DCAF16: variants seen among roughly 807,000 people sequenced by gnomAD.
DCAF16 encodes DDB1 and CUL4 associated factor 16.
A neutral mutation model predicts 17.3 loss-of-function variants in DCAF16; 10 were observed. That is an observed-to-expected ratio of 0.58 (90% CI 0.36 to 0.98). The LOEUF (loss-of-function observed/expected upper bound fraction) is 0.98. Ranked by LOEUF, DCAF16 falls within the 50% of genes least tolerant of loss-of-function variation. The pLI, the probability that DCAF16 is intolerant of heterozygous loss-of-function variation, is 0.01. For missense variants in DCAF16, 249 were observed against 247.6 expected (o/e 1.01, Z -0.04); for synonymous variants, 111 against 92.8 (o/e 1.20, Z -1.12).
At chr4:17,794,009 A>C in the DCAF16 span, among the ~76,000 whole-genome samples, 1 of 152,188 alleles carries the variant, frequency 6.6e-6, no homozygotes, top group African/African-American at 2.4e-5. Context: ...AAAGAAAAAA[A>C]CCCTGAATCA....
At chr4:17,809,715 A>C (rs1254256942) in intron 1 of DCAF16, 1 of 152,198 alleles carries the variant, frequency 6.6e-6, no homozygotes, top group Non-Finnish European at 1.5e-5. Flanking sequence ...TTAACAAGAA[A>C]AAAAACCCGT....
intron 1 of DCAF16, among the ~76,000 whole-genome samples, chr4:17,808,604 C>T (rs112175255): frequency 6.8e-6 from 1 of 146,870 alleles, no homozygotes; most frequent in Admixed American, 6.8e-5. Flanking sequence ...ACCATTAAAA[C>T]AAAACAAAAC....
chr4:17,797,293 AATAAC>A (rs368318067), downstream of DCAF16, among the ~76,000 whole-genome samples: 14 of 152,230 alleles, frequency 9.2e-5, no homozygotes, highest in South Asian at 2.1e-4. Context: ...ATTTCAGATA[AATAAC>A]ATAACTTTTT....
At chr4:17,809,039 T>TA (rs1466745811) in intron 1 of DCAF16, among the ~76,000 whole-genome samples, 2 of 151,720 alleles carry the variant, frequency 1.3e-5, no homozygotes, top group Non-Finnish European at 2.9e-5. Flanking sequence ...AAAATAAAAA[T>TA]AAAAAAATAT....
Position 17,802,650 on chromosome 4 carries a change from A to AG in DCAF16, c.*840_*841insC, listed in dbSNP as rs1466273444. ...TTAATTCAACTACCTCAAAAAAAAA[A>AG]AAAAAGAAAAAATAAAAGGAACCCT... is the stretch of plus-strand genomic sequence containing the variant. On this transcript the variant is annotated 3_prime_UTR_variant, in exon 3 of 3. Coordinates refer to ENST00000382247, the MANE Select transcript of DCAF16 (RefSeq NM_017741.4). 2 of 151,596 alleles carry AG rather than the reference A, an allele frequency of 1.3e-5. No individual in the cohort carries two copies. The highest frequency in any genetic ancestry group is 1.3e-4 in the Admixed American group (2 of 15,254). 9.4% of individuals were successfully genotyped at this position (151,596 alleles called of 1,614,324 possible).
rs890015674 is a variant in DCAF16, at chr4:17,804,366, C to T, written c.-225G>A. ...CTTACAAAGAAGACATCTCAGTTTC[C>T]AGGACCAGTTCAGTGTGTAAAAGTA... On this transcript the variant is annotated 5_prime_UTR_variant, in exon 3 of 3. Transcript: ENST00000382247. 2.0e-5 allele frequency: 11 copies of T among 560,314 alleles called. No homozygotes were observed. Among genetic ancestry groups the T allele is most frequent in the Admixed American group, 1.3e-4 (4 of 30,890 alleles). The allele number at this position is 560,314 out of a possible 1,614,324, so 34.7% of individuals were successfully genotyped here.
In DCAF16 at chr4:17,803,386, A is replaced by G. The variant is rs1159232693; in HGVS notation, c.*105T>C. The G allele has an allele frequency of 1.6e-5, 18 of 1,099,564 alleles. No individual in the cohort carries two copies. The Admixed American group carries it at 1.8e-4, about 11-fold the overall frequency. 68.1% of individuals were successfully genotyped at this position (1,099,564 alleles called of 1,614,324 possible). A position where few individuals can be genotyped will look rare whatever the true frequency, so the allele number is the denominator to read the frequency against. On this transcript the variant is annotated 3_prime_UTR_variant, in exon 3 of 3. Coordinates refer to ENST00000382247, the MANE Select transcript of DCAF16 (RefSeq NM_017741.4). Reference sequence around the variant, plus strand: ...GGTATCCTCATTGGCTTGCCAGGGCATAAGAGAGTTTGACTGAGAAGGCAT... The same window carrying G: ...GGTATCCTCATTGGCTTGCCAGGGCGTAAGAGAGTTTGACTGAGAAGGCAT...
the DCAF16 span, among the ~76,000 whole-genome samples, chr4:17,793,992 A>G: frequency 6.6e-6 from 1 of 152,314 alleles, no homozygotes. Context: ...ATTAACATAA[A>G]CAAAGCAAAG....
chr4:17,798,636 C>A (rs1719543609), downstream of DCAF16, among the ~76,000 whole-genome samples: 1 of 152,006 alleles, frequency 6.6e-6, no homozygotes, highest in Admixed American at 6.6e-5. Flanking sequence ...GAAAACCAGG[C>A]ATTCATTTTC....
chr4:17,802,503 C>T lies in DCAF16; in HGVS notation c.*988G>A, dbSNP rs1192552486. The T allele has an allele frequency of 6.6e-6, 1 of 151,954 alleles. No homozygotes were observed. Among genetic ancestry groups the T allele is most frequent in the Non-Finnish European group, 1.5e-5 (1 of 68,006 alleles). The allele number at this position is 151,954 out of a possible 1,614,324, so 9.4% of individuals were successfully genotyped here. ...AACTGCACTCCTCCTGCCTCCCCGCCCCCTTCCAAAAAAAAGAAAAAGTGA... is the reference window on the plus strand; with the variant it reads ...AACTGCACTCCTCCTGCCTCCCCGCTCCCTTCCAAAAAAAAGAAAAAGTGA... On this transcript the variant is annotated 3_prime_UTR_variant, in exon 3 of 3. Coordinates refer to ENST00000382247, the MANE Select transcript of DCAF16 (RefSeq NM_017741.4).
chr4:17,810,158 G>GA (rs1427460846), intron 1 of DCAF16, among the ~76,000 whole-genome samples: 2 of 152,132 alleles, frequency 1.3e-5, no homozygotes, highest in Non-Finnish European at 2.9e-5. Context: ...AGTTCTGTCT[G>GA]ATATAATTTC....
At chr4:17,793,607 T>C in the DCAF16 span, among the ~76,000 whole-genome samples, 2 of 152,110 alleles carry the variant, frequency 1.3e-5, no homozygotes, top group African/African-American at 4.8e-5. Context: ...TAAAACAATA[T>C]ATACTGTATG....
chr4:17,797,745 G>A (rs1719493272), downstream of DCAF16, among the ~76,000 whole-genome samples: 1 of 152,196 alleles, frequency 6.6e-6, no homozygotes, highest in African/African-American at 2.4e-5. Context: ...GATGGAAGAT[G>A]GCCATGCCCT....
At chr4:17,797,021 G>A (rs1439782139), downstream of DCAF16, among the ~76,000 whole-genome samples, 2 of 152,034 alleles carry the variant, frequency 1.3e-5, no homozygotes, top group Admixed American at 6.6e-5. Context: ...GGAGTGCAGT[G>A]GCATGACCAT....
chr4:17,809,776 T>A (rs1720702590), intron 1 of DCAF16: 1 of 152,166 alleles, frequency 6.6e-6, no homozygotes, highest in Admixed American at 6.5e-5. Context: ...GATTGAATAT[T>A]ATACAGCATC....
chr4:17,806,941 C>T (rs1050939649), intron 1 of DCAF16, among the ~76,000 whole-genome samples: 1 of 151,484 alleles, frequency 6.6e-6, no homozygotes, highest in African/African-American at 2.4e-5. Flanking sequence ...ATGTTTAGTA[C>T]ATATTATTGG....
Position 17,804,240 on chromosome 4 carries a change from T to C in DCAF16, c.-99A>G, listed in dbSNP as rs1276318312. The C allele has an allele frequency of 9.9e-7, 1 of 1,009,884 alleles. No individual in the cohort carries two copies. The highest frequency in any genetic ancestry group is 1.5e-6 in the Non-Finnish European group (1 of 684,208). The allele number at this position is 1,009,884 out of a possible 1,614,324, so 62.6% of individuals were successfully genotyped here. On this transcript the variant is annotated 5_prime_UTR_variant, in exon 3 of 3. Transcript: ENST00000382247. ...ATAGAAATAAGAGATGAAAAATCCTTTCACCAAGATTAATTTGTCTTTCAG... is the reference window on the plus strand; with the variant it reads ...ATAGAAATAAGAGATGAAAAATCCTCTCACCAAGATTAATTTGTCTTTCAG...
Position 17,803,012 on chromosome 4 carries a change from T to TC in DCAF16, c.*478dup, listed in dbSNP as rs1250970435. On this transcript the variant is annotated 3_prime_UTR_variant, in exon 3 of 3. Transcript: ENST00000382247. ...TATTCAACTATCTTTTGTAATATGG[T>TC]CCCCTTAACTAATTCTCCTTTTTTT... The TC allele has an allele frequency of 6.4e-6, 1 of 155,176 alleles. No homozygotes were observed. Among genetic ancestry groups the TC allele is most frequent in the Non-Finnish European group, 1.4e-5 (1 of 70,410 alleles). The allele number at this position is 155,176 out of a possible 1,614,324, so 9.6% of individuals were successfully genotyped here. A position where few individuals can be genotyped will look rare whatever the true frequency, so the allele number is the denominator to read the frequency against.
rs13116464 is a variant in DCAF16, at chr4:17,801,995, C to T, written c.*1496G>A. On this transcript the variant is annotated 3_prime_UTR_variant, in exon 3 of 3. Coordinates refer to ENST00000382247, the MANE Select transcript of DCAF16 (RefSeq NM_017741.4). ...GTGGACGCCTGTAGTCCCAGCTATT[C>T]GGGAGGCAGGGCAGGAGAATGGCAC... 0.44 allele frequency: 65,715 copies of T among 150,830 alleles called. 16,755 individuals carry two copies. The highest frequency in any genetic ancestry group is 0.57 in the Non-Finnish European group (38,827 of 67,972). 9.3% of individuals were successfully genotyped at this position (150,830 alleles called of 1,614,324 possible).
Sources: allele counts gnomAD v4.1 joint callset (sites outside exome capture counted in the v4.1 genomes callset), GRCh38; gene constraint gnomAD v4.1.1; transcripts MANE v1.5; gene names NCBI Gene and HGNC (gene_info 2026-07-23, HGNC 2026-07-21).